The following OPCML variants were observed in gnomAD, a reference collection of about 807,000 sequenced individuals.
OPCML encodes the protein opioid binding protein/cell adhesion molecule like.
A neutral mutation model predicts 37.8 loss-of-function variants in OPCML; 13 were observed. That is an observed-to-expected ratio of 0.34 (90% confidence interval 0.22 to 0.55). The LOEUF (loss-of-function observed/expected upper bound fraction) is 0.55. Ranked by LOEUF, OPCML falls within the 20% of genes least tolerant of loss-of-function variation. OPCML has a pLI of 0.91. For synonymous variants in OPCML, 176 were observed against 168.8 expected, an observed-to-expected ratio of 1.04 and a Z score of -0.33; for missense variants, 341 against 435.6, an observed-to-expected ratio of 0.78 and a Z score of 1.93.
chr11:132,570,791 A>ATATATATT lies in OPCML; in HGVS notation c.380-41606_380-41605insAATATATA, dbSNP rs2096436032. Among the ~76,000 whole-genome samples, 4 of 124,504 alleles carry ATATATATT rather than the reference A, an allele frequency of 3.2e-5. No individual in the cohort carries two copies. The South Asian group carries it at 1.1e-3, about 33-fold the overall frequency. 81.7% of individuals were successfully genotyped at this position (124,504 alleles called of 152,430 possible). The stretch of plus-strand genomic sequence containing the variant: ...TATATATATATATATATATATATAT[A>ATATATATT]TATATATATATTTAGAGAGAGAGAG... On this transcript the variant is annotated intron_variant, in intron 3 of 7. Transcript: ENST00000524381.
intron 1 of OPCML, among the ~76,000 whole-genome samples, chr11:133,166,660 G>C (rs1950212742): frequency 6.6e-6 from 1 of 152,194 alleles, no homozygotes; most frequent in Non-Finnish European, 1.5e-5. Context: ...GTGCAGGCTG[G>C]CTCTGAGCCG....
At chr11:132,720,829 C>T (rs1944651462) in intron 2 of OPCML, among the ~76,000 whole-genome samples, 1 of 152,060 alleles carries the variant, frequency 6.6e-6, no homozygotes, top group Admixed American at 6.5e-5. Context: ...ATATTATTAC[C>T]TTGTGTACAT....
chr11:132,748,764 C>T (rs1158587025), intron 2 of OPCML, among the ~76,000 whole-genome samples: 1 of 152,148 alleles, frequency 6.6e-6, no homozygotes, highest in East Asian at 1.9e-4. Context: ...ATTGCTCTTC[C>T]TGTTCTGCGG....
At chr11:132,739,617 G>T (rs1368687497) in intron 2 of OPCML, among the ~76,000 whole-genome samples, 1 of 152,168 alleles carries the variant, frequency 6.6e-6, no homozygotes, top group Non-Finnish European at 1.5e-5. Flanking sequence ...ATAGCCAGAT[G>T]ATCAAGATGT....
intron 2 of OPCML, among the ~76,000 whole-genome samples, chr11:132,825,025 C>T (rs1202404056): frequency 6.6e-6 from 1 of 152,190 alleles, no homozygotes; most frequent in Non-Finnish European, 1.5e-5. Context: ...TTCATGCTAC[C>T]TGCTTCAGTC....
chr11:133,024,981 A>G (rs1162103191), intron 1 of OPCML: 2 of 985,316 alleles, frequency 2.0e-6, no homozygotes, highest in Non-Finnish European at 2.4e-6. Context: ...GCATTTTAAC[A>G]CACTGCCCTG....
intron 1 of OPCML, among the ~76,000 whole-genome samples, chr11:133,047,766 G>A (rs1190971195): frequency 1.3e-5 from 2 of 152,232 alleles, no homozygotes; most frequent in Non-Finnish European, 2.9e-5. Context: ...AAAGGAGAAA[G>A]GATTTGAGAG....
chr11:133,429,223 A>G lies in OPCML; in HGVS notation c.61+103041T>C, dbSNP rs142774710. Among the ~76,000 whole-genome samples, 37 of 152,306 alleles carry G rather than the reference A, an allele frequency of 2.4e-4. No homozygotes were observed. The East Asian group carries it at 7.0e-3, about 29-fold the overall frequency. On this transcript the variant is annotated intron_variant, in intron 1 of 7. Coordinates refer to ENST00000524381, the MANE Select transcript of OPCML (RefSeq NM_001012393.5). ...TTGGGACAGAGCCTTCCAGGAGAGA[A>G]CAGCAACTGCAAAGCCACTGAGGTG... is the stretch of plus-strand genomic sequence containing the variant.
chr11:132,892,742 G>A (rs368319228), intron 2 of OPCML, among the ~76,000 whole-genome samples: 1 of 152,284 alleles, frequency 6.6e-6, no homozygotes, highest in South Asian at 2.1e-4. Flanking sequence ...ACTCCAGCCT[G>A]GGCGACAAGA....
chr11:132,713,394 C>T (rs187043224), intron 2 of OPCML, among the ~76,000 whole-genome samples: 1 of 152,032 alleles, frequency 6.6e-6, no homozygotes, highest in African/African-American at 2.4e-5. Flanking sequence ...AATATCTTAA[C>T]CAGTATACAG....
rs147224953 is a variant in OPCML, at chr11:132,478,084, A to G, written c.506-40725T>C. Among the ~76,000 whole-genome samples, 1,094 of 152,328 alleles carry G rather than the reference A, an allele frequency of 7.2e-3. 10 individuals are homozygous for G. The highest frequency in any genetic ancestry group is 0.023 in the African/African-American group (946 of 41,574). On this transcript the variant is annotated intron_variant, in intron 4 of 7. Coordinates refer to ENST00000524381, the MANE Select transcript of OPCML (RefSeq NM_001012393.5). ...GAAATTCAGCAAGTTTGCAGAATAT[A>G]CTCACATGTAAAGTAAAAGATTAAC...
intron 1 of OPCML, among the ~76,000 whole-genome samples, chr11:133,452,294 T>C (rs1946594762): frequency 7.2e-6 from 1 of 137,966 alleles, no homozygotes; most frequent in South Asian, 2.2e-4. Flanking sequence ...CTTTAAAATC[T>C]ATTAAAATGC....
chr11:132,586,142 A>ACATT (rs753776410), intron 3 of OPCML, among the ~76,000 whole-genome samples: 87 of 152,304 alleles, frequency 5.7e-4, no homozygotes, highest in Admixed American at 1.1e-3. Flanking sequence ...CACTGCACCC[A>ACATT]CATTGTTTCA....
chr11:132,466,759 C>T (rs1039552539), intron 4 of OPCML, among the ~76,000 whole-genome samples: 1 of 152,092 alleles, frequency 6.6e-6, no homozygotes, highest in African/African-American at 2.4e-5. Flanking sequence ...AATAAGCATT[C>T]GGGGCTGGAG....
intron 1 of OPCML, chr11:133,298,801 T>C (rs554297515): frequency 6.6e-5 from 10 of 152,158 alleles, no homozygotes; most frequent in Non-Finnish European, 1.3e-4. Flanking sequence ...TCAAGCTTAC[T>C]TGACATCTAC....
intron 1 of OPCML, among the ~76,000 whole-genome samples, chr11:133,333,338 C>T (rs921268297): frequency 6.6e-6 from 1 of 151,988 alleles, no homozygotes; most frequent in Non-Finnish European, 1.5e-5. Context: ...GGATTACAGG[C>T]ATAACACAAC....
chr11:133,007,003 A>G, intron 1 of OPCML: 3 of 985,458 alleles, frequency 3.0e-6, no homozygotes, highest in Non-Finnish European at 3.6e-6. Flanking sequence ...AAGCAATCAT[A>G]TTCACTTAAT....
In OPCML at chr11:133,163,326, A is replaced by G. The variant is rs569360606; in HGVS notation, c.62-220316T>C. 2.6e-4 allele frequency among the ~76,000 whole-genome samples: 39 copies of G among 152,338 alleles called. 1 individual carries two copies. The South Asian group carries it at 7.7e-3, about 30-fold the overall frequency. On this transcript the variant is annotated intron_variant, in intron 1 of 7. Coordinates refer to ENST00000524381, the MANE Select transcript of OPCML (RefSeq NM_001012393.5). ...GTGTTTGCTGTGACGACCTTAGGAC[A>G]AAAATTGCATAGATAGAAAATGTAA...
At chr11:133,398,787 C>T (rs542525977) in intron 1 of OPCML, among the ~76,000 whole-genome samples, 1 of 152,048 alleles carries the variant, frequency 6.6e-6, no homozygotes, top group East Asian at 1.9e-4. Context: ...ATTCCAATAA[C>T]AAAAAATGCA....
Sources: gnomAD v4.1 joint callset for allele counts (sites outside exome capture counted in the v4.1 genomes callset) on GRCh38, gnomAD v4.1.1 for gene constraint, MANE v1.5 for transcripts, NCBI Gene and HGNC (gene_info 2026-07-23, HGNC 2026-07-21) for gene names.